Variants in SAMD4A observed in about 807,000 individuals in gnomAD.
The protein encoded by SAMD4A is protein Smaug homolog 1.
SAMD4A carries 33 observed loss-of-function variants against 81.3 expected under a neutral mutation model. That is an observed-to-expected ratio of 0.41 (90% CI 0.31 to 0.54). The LOEUF (loss-of-function observed/expected upper bound fraction) is 0.54, where lower values mean the gene tolerates loss of function less well. Among genes scored for constraint, SAMD4A ranks in the 20% least tolerant of loss-of-function variants. The pLI is 0.37. For synonymous variants in SAMD4A, 389 were observed against 382.1 expected (o/e 1.02, Z -0.21); for missense variants, 854 against 951.1 (o/e 0.90, Z 1.34).
At chr14:54,746,288 A>T (rs1011981124) in intron 4 of SAMD4A, among the ~76,000 whole-genome samples, 7 of 152,198 alleles carry the variant, frequency 4.6e-5, no homozygotes, top group African/African-American at 1.4e-4. Context: ...TGGCACTGAG[A>T]TAGGACAATG....
At chr14:54,728,090 G>T (rs1594866716) in intron 3 of SAMD4A, among the ~76,000 whole-genome samples, 1 of 152,272 alleles carries the variant, frequency 6.6e-6, no homozygotes, top group East Asian at 1.9e-4. Context: ...AATTATGCCA[G>T]GAACCTCGAG....
At chr14:54,570,491 C>T (rs2140105710) in intron 2 of SAMD4A, among the ~76,000 whole-genome samples, 1 of 152,260 alleles carries the variant, frequency 6.6e-6, no homozygotes, top group East Asian at 1.9e-4. Context: ...GGGGGTAACA[C>T]ATTTAGAATG....
At chr14:54,695,971 AAAG>A (rs1413964910) in intron 2 of SAMD4A, among the ~76,000 whole-genome samples, 5 of 150,606 alleles carry the variant, frequency 3.3e-5, no homozygotes, top group African/African-American at 1.2e-4. Context: ...AAAAAAAAAA[AAAG>A]AAAAAGAAAA....
chr14:54,782,469 C>T (rs1334675853), intron 11 of SAMD4A, among the ~76,000 whole-genome samples: 1 of 152,096 alleles, frequency 6.6e-6, no homozygotes, highest in East Asian at 1.9e-4. Context: ...AAAATCTCTT[C>T]CCCCTGGAAT....
intron 3 of SAMD4A, among the ~76,000 whole-genome samples, chr14:54,731,498 G>C (rs1325016582): frequency 6.6e-6 from 1 of 152,170 alleles, no homozygotes; most frequent in Non-Finnish European, 1.5e-5. Flanking sequence ...AATATTGTAA[G>C]ATATTTTAAA....
chr14:54,681,773 C>T (rs2140575429), intron 2 of SAMD4A: 1 of 984,584 alleles, frequency 1.0e-6, no homozygotes, highest in Middle Eastern at 5.2e-4. Flanking sequence ...TTTGATGGAG[C>T]CCCAAATGAA....
At chr14:54,706,002 G>GT (rs1418484413) in intron 3 of SAMD4A, among the ~76,000 whole-genome samples, 1 of 152,128 alleles carries the variant, frequency 6.6e-6, no homozygotes, top group Non-Finnish European at 1.5e-5. Flanking sequence ...GGCCTATCCT[G>GT]TAAGTGCTGT....
chr14:54,688,360 T>C (rs2036334725), intron 2 of SAMD4A: 1 of 985,478 alleles, frequency 1.0e-6, no homozygotes, highest in Non-Finnish European at 1.2e-6. Flanking sequence ...ATCTCAACTC[T>C]CCTCCTTGGA....
chr14:54,670,039 C>G (rs2035845869), intron 2 of SAMD4A, among the ~76,000 whole-genome samples: 1 of 152,180 alleles, frequency 6.6e-6, no homozygotes, highest in African/African-American at 2.4e-5. Flanking sequence ...TGTGAACGCA[C>G]TGAGTGTTTG....
At chr14:54,758,063 T>C (rs78812035) in intron 6 of SAMD4A, among the ~76,000 whole-genome samples, 1,911 of 152,268 alleles carry the variant, frequency 0.013, 41 homozygotes, top group African/African-American at 0.044. Context: ...GAGACATCTG[T>C]CATGTGTAGA....
chr14:54,653,133 C>T (rs1380471519), intron 2 of SAMD4A, among the ~76,000 whole-genome samples: 1 of 151,534 alleles, frequency 6.6e-6, no homozygotes, highest in East Asian at 1.9e-4. Context: ...TCCCTCTTAC[C>T]TTCTCTTCCT....
intron 3 of SAMD4A, among the ~76,000 whole-genome samples, chr14:54,724,754 G>T (rs371980881): frequency 2.1e-4 from 32 of 152,324 alleles, no homozygotes; most frequent in African/African-American, 7.5e-4. Flanking sequence ...AGGGAAGAAC[G>T]GTATAATTTG....
chr14:54,598,789 C>G (rs1440803703), intron 2 of SAMD4A, among the ~76,000 whole-genome samples: 2 of 152,070 alleles, frequency 1.3e-5, no homozygotes, highest in African/African-American at 2.4e-5. Context: ...GTGTTATTTA[C>G]ATTTCTGTTC....
At chr14:54,566,011 G>A (rs970559619), upstream of SAMD4A, among the ~76,000 whole-genome samples, 3 of 151,966 alleles carry the variant, frequency 2.0e-5, no homozygotes, top group African/African-American at 7.2e-5. Context: ...GCCGCCGCCC[G>A]GGTTCCTCTC....
intron 2 of SAMD4A, among the ~76,000 whole-genome samples, chr14:54,590,513 G>C (rs1389048626): frequency 6.6e-6 from 1 of 152,164 alleles, no homozygotes; most frequent in African/African-American, 2.4e-5. Flanking sequence ...GAATATTTAA[G>C]AAGAGCCTAG....
At chr14:54,688,928 A>ATTTTTTTT (rs1314915827) in intron 2 of SAMD4A, among the ~76,000 whole-genome samples, 3 of 81,974 alleles carry the variant, frequency 3.7e-5, no homozygotes, top group Non-Finnish European at 8.7e-5. Context: ...AGAAGTCGTA[A>ATTTTTTTT]TTCTTTTTTT....
intron 3 of SAMD4A, among the ~76,000 whole-genome samples, chr14:54,715,732 T>C (rs959633403): frequency 1.3e-5 from 2 of 151,974 alleles, no homozygotes; most frequent in African/African-American, 4.8e-5. Context: ...TAGCCTAAAA[T>C]AAAAAGCAAA....
At chr14:54,759,512 C>T (rs1005656947) in intron 6 of SAMD4A, among the ~76,000 whole-genome samples, 3 of 152,232 alleles carry the variant, frequency 2.0e-5, no homozygotes, top group African/African-American at 7.2e-5. Context: ...ACCACAGCCC[C>T]TGGCATGATA....
chr14:54,591,354 G>T (rs181714490), intron 2 of SAMD4A, among the ~76,000 whole-genome samples: 15 of 152,246 alleles, frequency 9.9e-5, no homozygotes, highest in Non-Finnish European at 1.8e-4. Context: ...GGTGCCAAGG[G>T]TGCTAGAAAT....
Sources: allele counts gnomAD v4.1 joint callset (sites outside exome capture counted in the v4.1 genomes callset), GRCh38; gene constraint gnomAD v4.1.1; transcripts MANE v1.5; gene names NCBI Gene and HGNC (gene_info 2026-07-23, HGNC 2026-07-21).